Variants in ROBO2 observed in about 807,000 individuals in gnomAD.
The protein encoded by ROBO2 is roundabout homolog 2.
ROBO2 carries 53 observed loss-of-function variants against 160.8 expected under a neutral mutation model. The observed-to-expected ratio is 0.33, with a 90% CI of 0.26 to 0.41. The LOEUF is 0.41. ROBO2 is among the 10% of genes least tolerant of loss of function. The probability of loss-of-function intolerance (pLI) is 1.00; values close to 1 mark genes in which losing one functional copy is unlikely to be tolerated. For synonymous variants in ROBO2, 664 were observed against 611.7 expected, an observed-to-expected ratio of 1.09 and a Z score of -1.26; for missense variants, 1,577 against 1,722.4, an observed-to-expected ratio of 0.92 and a Z score of 1.49.
At chr3:77,264,718 C>A (rs2059015844) in intron 2 of ROBO2, among the ~76,000 whole-genome samples, 1 of 152,100 alleles carries the variant, frequency 6.6e-6, no homozygotes, top group African/African-American at 2.4e-5. Context: ...CATATAGATA[C>A]ATATATAGTA....
chr3:77,060,811 GTAAC>G (rs1444990883), intron 1 of ROBO2, among the ~76,000 whole-genome samples: 2 of 152,112 alleles, frequency 1.3e-5, no homozygotes, highest in East Asian at 3.8e-4. Flanking sequence ...TCTAAATTCT[GTAAC>G]TAACAGGCAC....
chr3:76,991,782 G>C (rs2060678296), intron 2 of ROBO2, among the ~76,000 whole-genome samples: 2 of 152,288 alleles, frequency 1.3e-5, no homozygotes, highest in South Asian at 2.1e-4. Flanking sequence ...AGTGGGAGTA[G>C]AAAGGCTTCA....
chr3:76,781,792 A>C lies in ROBO2; in HGVS notation c.110-316222A>C, dbSNP rs146044938. 3.0e-3 allele frequency among the ~76,000 whole-genome samples: 448 copies of C among 150,796 alleles called. 2 individuals carry two copies. Among genetic ancestry groups the C allele is most frequent in the African/African-American group, 0.01 (417 of 41,370 alleles). On this transcript the variant is annotated intron_variant, in intron 2 of 26. Transcript: ENST00000487694. ...ATGTGCTGTTGAATTTGGTTTGCTAAGATTTGGTTAAGGATTTTTGCATCT... is the reference window on the plus strand; with the variant it reads ...ATGTGCTGTTGAATTTGGTTTGCTACGATTTGGTTAAGGATTTTTGCATCT...
chr3:76,733,586 G>A (rs945949644), intron 2 of ROBO2, among the ~76,000 whole-genome samples: 7 of 152,116 alleles, frequency 4.6e-5, no homozygotes, highest in Admixed American at 4.6e-4. Context: ...TCACCATTTT[G>A]CAGATGAGGA....
chr3:76,326,949 T>C (rs2073083493), intron 2 of ROBO2, among the ~76,000 whole-genome samples: 1 of 152,046 alleles, frequency 6.6e-6, no homozygotes, highest in Non-Finnish European at 1.5e-5. Context: ...ATATACACCA[T>C]AGAATTATTA....
chr3:77,321,532 A>C (rs1404828419), intron 2 of ROBO2, among the ~76,000 whole-genome samples: 1 of 152,162 alleles, frequency 6.6e-6, no homozygotes, highest in Non-Finnish European at 1.5e-5. Context: ...AAAGAAGAAA[A>C]AAAGAAAAAA....
At chr3:75,996,376 C>G (rs1322316833) in intron 2 of ROBO2, among the ~76,000 whole-genome samples, 1 of 152,152 alleles carries the variant, frequency 6.6e-6, no homozygotes, top group African/African-American at 2.4e-5. Flanking sequence ...GGCACTCATT[C>G]TCTCTCCTGC....
At chr3:76,434,717 T>TC in intron 2 of ROBO2, 1 of 1,061,802 alleles carries the variant, frequency 9.4e-7, no homozygotes, top group South Asian at 1.3e-5. Flanking sequence ...GCCCCCCTCC[T>TC]CCCCCAGTCT....
chr3:76,255,034 G>C (rs1336181207), intron 2 of ROBO2, among the ~76,000 whole-genome samples: 1 of 152,066 alleles, frequency 6.6e-6, no homozygotes, highest in Non-Finnish European at 1.5e-5. Context: ...CTGACACTCA[G>C]ATGTAGGCTG....
At chr3:77,147,133 A>G (rs1363320147) in intron 2 of ROBO2, among the ~76,000 whole-genome samples, 1 of 152,160 alleles carries the variant, frequency 6.6e-6, no homozygotes, top group Non-Finnish European at 1.5e-5. Context: ...TTGTTTACTA[A>G]ATTATAATTT....
chr3:77,632,489 G>T (rs753556275), intron 23 of ROBO2: 1 of 1,533,236 alleles, frequency 6.5e-7, no homozygotes, highest in East Asian at 2.4e-5. Context: ...ATGGTAAATG[G>T]ATGGGGCTCT....
intron 2 of ROBO2, among the ~76,000 whole-genome samples, chr3:76,744,837 G>T (rs936217756): frequency 6.6e-6 from 1 of 152,168 alleles, no homozygotes; most frequent in Middle Eastern, 3.4e-3. Context: ...TAATATTTTA[G>T]CTTGAAAAGA....
chr3:76,642,406 G>A (rs1249032985), intron 2 of ROBO2, among the ~76,000 whole-genome samples: 1 of 128,940 alleles, frequency 7.8e-6, no homozygotes, highest in Non-Finnish European at 1.6e-5. Flanking sequence ...AGGCTGGAGT[G>A]TAATGGCGTG....
chr3:76,160,969 G>T (rs2072609242), intron 2 of ROBO2, among the ~76,000 whole-genome samples: 1 of 152,040 alleles, frequency 6.6e-6, no homozygotes, highest in East Asian at 1.9e-4. Flanking sequence ...TTTTCATGTA[G>T]TTTGAACCAG....
intron 2 of ROBO2, among the ~76,000 whole-genome samples, chr3:76,736,160 C>T (rs1009159394): frequency 4.6e-5 from 7 of 151,464 alleles, no homozygotes; most frequent in South Asian, 4.2e-4. Flanking sequence ...GTGGCGCCTG[C>T]AGTCCCAGCT....
At chr3:77,042,652 A>ATT (rs2064214323) in intron 1 of ROBO2, among the ~76,000 whole-genome samples, 1 of 152,182 alleles carries the variant, frequency 6.6e-6, no homozygotes, top group East Asian at 1.9e-4. Context: ...CTGGAGCAGC[A>ATT]GTAGTAAGAC....
chr3:77,000,566 C>G (rs1167078421), intron 2 of ROBO2, among the ~76,000 whole-genome samples: 2 of 138,870 alleles, frequency 1.4e-5, no homozygotes, highest in Non-Finnish European at 3.1e-5. Flanking sequence ...TTATAGGTAG[C>G]TGGCATTTTC....
intron 2 of ROBO2, among the ~76,000 whole-genome samples, chr3:75,998,998 CA>C (rs1236737938): frequency 6.6e-6 from 1 of 152,164 alleles, no homozygotes; most frequent in Admixed American, 6.5e-5. Flanking sequence ...AATATGTCCT[CA>C]AGTATCATAT....
chr3:77,225,920 G>A (rs774652135), intron 2 of ROBO2, among the ~76,000 whole-genome samples: 3 of 151,932 alleles, frequency 2.0e-5, no homozygotes, highest in Admixed American at 6.6e-5. Context: ...ATTTAGGACA[G>A]CATTTCTTCT....
Sources: gnomAD v4.1 joint callset for allele counts (sites outside exome capture counted in the v4.1 genomes callset) on GRCh38, gnomAD v4.1.1 for gene constraint, MANE v1.5 for transcripts, NCBI Gene and HGNC (gene_info 2026-07-23, HGNC 2026-07-21) for gene names.